LOXL4: variants seen among roughly 807,000 people sequenced by gnomAD.
The protein encoded by LOXL4 is lysyl oxidase homolog 4.
LOXL4 carries 72 observed loss-of-function variants against 89.1 expected under a neutral mutation model. That is an observed-to-expected ratio of 0.81 (90% CI 0.67 to 0.98). The LOEUF (loss-of-function observed/expected upper bound fraction) is 0.98. Ranked by LOEUF, LOXL4 falls within the 50% of genes least tolerant of loss-of-function variation. The probability of loss-of-function intolerance (pLI) is 0.00; values close to 1 mark genes in which losing one functional copy is unlikely to be tolerated. For synonymous variants in LOXL4, 355 were observed against 392.1 expected, an observed-to-expected ratio of 0.91 and a Z score of 1.12; for missense variants, 984 against 1,017.5, an observed-to-expected ratio of 0.97 and a Z score of 0.45.
chr10:98,263,719 T>C (rs1351571029), intron 1 of LOXL4, among the ~76,000 whole-genome samples: 1 of 150,936 alleles, frequency 6.6e-6, no homozygotes, highest in Non-Finnish European at 1.5e-5. Flanking sequence ...CTTTCTTTTT[T>C]CTTTCTTTCT....
intron 2 of LOXL4, 23 bp downstream of exon 2, chr10:98,262,720 A>C: frequency 6.2e-7 from 1 of 1,603,012 alleles, no homozygotes; most frequent in African/African-American, 1.3e-5. Flanking sequence ...TTGCCATCCC[A>C]CTAGGTGGCA....
intron 14 of LOXL4, among the ~76,000 whole-genome samples, chr10:98,249,817 A>G (rs1167614585): frequency 1.3e-5 from 2 of 152,146 alleles, no homozygotes; most frequent in Non-Finnish European, 2.9e-5. Context: ...GGTTCCTCTC[A>G]ATATCCCTGT....
At chr10:98,256,432 C>A (rs1038003095) in intron 9 of LOXL4, 7 of 325,602 alleles carry the variant, frequency 2.1e-5, no homozygotes, top group African/African-American at 1.3e-4. Context: ...ACAGCACTCT[C>A]GAGAGAGAGC....
intron 13 of LOXL4, 119 bp downstream of exon 13, chr10:98,251,447 A>C (rs1020421314): frequency 7.2e-7 from 1 of 1,387,176 alleles, no homozygotes; most frequent in Admixed American, 2.0e-5. Context: ...CAGCTCCTTT[A>C]AGTGACAGGC....
chr10:98,258,296 C>T, intron 6 of LOXL4, 132 bp from the exon 7 acceptor site: 2 of 876,520 alleles, frequency 2.3e-6, no homozygotes, highest in South Asian at 3.6e-5. Context: ...TGGGGAGTTC[C>T]AGTCCTGCTT....
chr10:98,259,366 C>T (rs1858475557), intron 5 of LOXL4, 25 bp downstream of exon 5: 1 of 1,612,138 alleles, frequency 6.2e-7, no homozygotes, highest in Non-Finnish European at 8.5e-7. Flanking sequence ...CCTTTGCCTC[C>T]TCCCTCTAGG....
rs370829580 is a variant in LOXL4 at position 98,259,113 on chromosome 10, G to A, written c.817C>T (p.Arg273Trp). Residue 273 changes from arginine to tryptophan, a missense_variant, in exon 6 of 15, where the codon CGG (arginine) becomes TGG (tryptophan). Transcript: ENST00000260702. The stretch of plus-strand genomic sequence containing the variant: ...TGCATGCCACCTGGGCAGGCTGGCC[G>A]CAGCTTGCCCCGGGCTGGAGCCACC... The part of the protein sequence containing the change: ...VQVAPARGKL[R>W]PACPGGMHAV... 3.2e-5 allele frequency: 51 copies of A among 1,607,156 alleles called. No homozygotes were observed. The highest frequency in any genetic ancestry group is 1.4e-4 in the South Asian group (13 of 89,904).
chr10:98,251,843 C>T, intron 12 of LOXL4, 141 bp from the exon 13 acceptor site: 1 of 1,014,064 alleles, frequency 9.9e-7, no homozygotes, highest in Non-Finnish European at 1.4e-6. Context: ...GTGAATCCAG[C>T]ACCATAGCAA....
chr10:98,261,593 T>A (rs542566961), intron 3 of LOXL4, among the ~76,000 whole-genome samples: 21 of 152,268 alleles, frequency 1.4e-4, no homozygotes, highest in African/African-American at 5.1e-4. Flanking sequence ...AGAGTCCCCA[T>A]CACAACACGC....
chr10:98,251,940 G>A (rs1226759780), intron 12 of LOXL4: 6 of 549,420 alleles, frequency 1.1e-5, no homozygotes, highest in South Asian at 9.6e-5. Context: ...AGATTCCAAC[G>A]CTCCCGTGCT....
At chr10:98,249,876 T>C (rs1858139242) in intron 14 of LOXL4, among the ~76,000 whole-genome samples, 1 of 152,218 alleles carries the variant, frequency 6.6e-6, no homozygotes. Context: ...ATTCGAAACC[T>C]TAGACTGTTC....
At chr10:98,260,207 A>G (rs1858499110) in intron 4 of LOXL4, among the ~76,000 whole-genome samples, 1 of 152,120 alleles carries the variant, frequency 6.6e-6, no homozygotes, top group South Asian at 2.1e-4. Context: ...GCCCCACCCC[A>G]CGCCTCACTT....
At position 98,253,769 on chromosome 10, in the gene LOXL4, T is replaced by C; in HGVS notation, c.1619A>G (p.Gln540Arg). Residue 540 changes from glutamine (Q) to arginine (R), a missense_variant, in exon 11 of 15, where the codon CAG (glutamine) becomes CGG (arginine). Transcript: ENST00000260702. ...CAAGTAGGCCGTCTCCTGCACTAGC[T>C]GGGCGTTCATCACCAGGTCTGGTGC... ...DSAPDLVMNA[Q>R]LVQETAYLED... 6.2e-7 allele frequency: 1 copy of C among 1,614,122 alleles called. No homozygotes were observed. The highest frequency in any genetic ancestry group is 1.7e-5 in the Admixed American group (1 of 60,022).
chr10:98,263,332 T>C (rs932915719), intron 1 of LOXL4, among the ~76,000 whole-genome samples: 14 of 152,202 alleles, frequency 9.2e-5, no homozygotes, highest in Non-Finnish European at 1.6e-4. Flanking sequence ...GTAATCTCCA[T>C]CTCACGGTGT....
Position 98,251,058 on chromosome 10 carries a change from G to C in LOXL4, c.2200+7C>G, listed in dbSNP as rs758403032. The C allele has an allele frequency of 6.2e-7, 1 of 1,607,198 alleles. No homozygotes were observed. Among genetic ancestry groups the C allele is most frequent in the East Asian group, 2.2e-5 (1 of 44,862 alleles). On this transcript the variant is annotated splice_region_variant and intron_variant, in intron 14 of 14. Transcript: ENST00000260702. ...AGATGGCTGATTCCACAGTGGCTCGGAGTTACCTGTGTGGCAGTTGTGCAG... is the reference window on the plus strand; with the variant it reads ...AGATGGCTGATTCCACAGTGGCTCGCAGTTACCTGTGTGGCAGTTGTGCAG...
At chr10:98,263,732 C>CTTTCT (rs1858608999) in intron 1 of LOXL4, among the ~76,000 whole-genome samples, 1 of 138,850 alleles carries the variant, frequency 7.2e-6, no homozygotes, top group African/African-American at 2.7e-5. Flanking sequence ...TTCTTTCTTT[C>CTTTCT]TTTTTTTTTT....
chr10:98,259,347 T>A (rs748697732), intron 5 of LOXL4, 44 bp downstream of exon 5: 2 of 1,607,292 alleles, frequency 1.2e-6, no homozygotes, highest in Non-Finnish European at 1.7e-6. Flanking sequence ...AGGCCCTTCA[T>A]GCCACACCCC....
rs908681067 is a variant in LOXL4 at position 98,256,884 on chromosome 10, C to T, written c.1324G>A (p.Gly442Arg). Residue 442 changes from glycine (G) to arginine (R), a missense_variant, in exon 9 of 15, where the codon GGG becomes AGG. By Grantham distance (125) the Gly-to-Arg change is moderately radical. Coordinates refer to ENST00000260702, the MANE Select transcript of LOXL4 (RefSeq NM_032211.7). ...CACACGCTCCCCCAGCGTGGGACCC[C>T]GTTCACCTCCACCTGCACCTCCAAT... is the stretch of plus-strand genomic sequence containing the variant. ...GLLEVQVEVN[G>R]VPRWGSVCSE... 2.3e-5 allele frequency: 37 copies of T among 1,614,090 alleles called. No homozygotes were observed. The highest frequency in any genetic ancestry group is 6.7e-5 in the African/African-American group (5 of 74,948).
chr10:98,264,958 T>C (rs1858642930), intron 1 of LOXL4, among the ~76,000 whole-genome samples: 1 of 152,236 alleles, frequency 6.6e-6, no homozygotes, highest in Admixed American at 6.5e-5. Context: ...GCATCTGCCC[T>C]ACTCCCTCTC....
Sources: gnomAD v4.1 joint callset for allele counts (sites outside exome capture counted in the v4.1 genomes callset) on GRCh38, gnomAD v4.1.1 for gene constraint, MANE v1.5 for transcripts, NCBI Gene and HGNC (gene_info 2026-07-23, HGNC 2026-07-21) for gene names.